EIPR1: variants seen among roughly 807,000 people sequenced by gnomAD.
EIPR1 encodes EARP complex and GARP complex interacting protein 1.
EIPR1 carries 25 observed loss-of-function variants against 48.1 expected under a neutral mutation model. The observed-to-expected ratio is 0.52, with a 90% CI of 0.38 to 0.73. The LOEUF (loss-of-function observed/expected upper bound fraction) is 0.73, where lower values mean the gene tolerates loss of function less well. Among genes scored for constraint, EIPR1 ranks in the 30% least tolerant of loss-of-function variants. The pLI is 0.00. For missense variants in EIPR1, 415 were observed against 506.2 expected, an observed-to-expected ratio of 0.82 and a Z score of 1.73; for synonymous variants, 204 against 201.9, an observed-to-expected ratio of 1.01 and a Z score of -0.09.
intron 3 of EIPR1, among the ~76,000 whole-genome samples, chr2:3,322,706 G>A (rs1449332520): frequency 2.6e-5 from 4 of 152,332 alleles, no homozygotes; most frequent in South Asian, 4.1e-4. Flanking sequence ...CACAGGGTCC[G>A]GTGAAGACAG....
At chr2:3,252,012 G>C (rs778887795) in intron 4 of EIPR1, among the ~76,000 whole-genome samples, 1 of 152,198 alleles carries the variant, frequency 6.6e-6, no homozygotes, top group Non-Finnish European at 1.5e-5. Flanking sequence ...GGAAAGGACA[G>C]TCCCTACTTT....
At position 3,377,789 on chromosome 2, in the gene EIPR1, T is replaced by C. The variant is rs966986795; in HGVS notation, c.-100A>G. On this transcript the variant is annotated 5_prime_UTR_variant, in exon 1 of 9. An upstream start codon of the reference 5' UTR is lost. Transcript: ENST00000382125. ...CGGGCGTGTTCCCAGCGCCCATTCA[T>C]TCCCTCCCCGCAGCAAACGACTCCA... is the stretch of plus-strand genomic sequence containing the variant. The C allele has an allele frequency of 8.2e-5, 115 of 1,398,208 alleles. No individual in the cohort carries two copies. Among genetic ancestry groups the C allele is most frequent in the Non-Finnish European group, 1.1e-4 (112 of 1,019,288 alleles). The allele number at this position is 1,398,208 out of a possible 1,614,324, so 86.6% of individuals were successfully genotyped here.
chr2:3,326,321 G>A (rs1183841502), intron 3 of EIPR1, among the ~76,000 whole-genome samples: 5 of 152,100 alleles, frequency 3.3e-5, no homozygotes, highest in Non-Finnish European at 7.4e-5. Flanking sequence ...TGACTGGTCC[G>A]GGATTGGAGA....
intron 2 of EIPR1, among the ~76,000 whole-genome samples, chr2:3,341,560 G>A (rs1670249228): frequency 6.6e-6 from 1 of 151,540 alleles, no homozygotes; most frequent in Admixed American, 6.6e-5. Context: ...TGGAGGGGGT[G>A]TGAGTGTGAG....
chr2:3,336,074 G>A (rs1226534975), intron 3 of EIPR1, among the ~76,000 whole-genome samples: 1 of 152,188 alleles, frequency 6.6e-6, no homozygotes, highest in Non-Finnish European at 1.5e-5. Flanking sequence ...CTCTCAAGAA[G>A]CCAAGGAAGC....
chr2:3,329,128 A>G (rs113037076), intron 3 of EIPR1, among the ~76,000 whole-genome samples: 392 of 99,052 alleles, frequency 4.0e-3, no homozygotes, highest in East Asian at 5.7e-3. Context: ...ATCTCAGGGC[A>G]CCAGCCTGGG....
chr2:3,347,475 C>T (rs973230934), intron 2 of EIPR1, among the ~76,000 whole-genome samples: 3 of 152,196 alleles, frequency 2.0e-5, no homozygotes, highest in Non-Finnish European at 2.9e-5. Flanking sequence ...CCGCCATCCA[C>T]GTAAGATGTG....
At chr2:3,288,515 G>A (rs1208706844) in intron 3 of EIPR1, among the ~76,000 whole-genome samples, 1 of 152,184 alleles carries the variant, frequency 6.6e-6, no homozygotes, top group Non-Finnish European at 1.5e-5. Context: ...TATTAATGAT[G>A]TAAGAACACA....
At chr2:3,220,990 TCA>T (rs1665871218) in intron 4 of EIPR1, among the ~76,000 whole-genome samples, 1 of 84,798 alleles carries the variant, frequency 1.2e-5, no homozygotes, top group Admixed American at 1.2e-4. Context: ...TCTAGAACAC[TCA>T]CAGTGAGTCA....
chr2:3,256,553 T>C (rs1667162439), intron 4 of EIPR1, among the ~76,000 whole-genome samples: 1 of 152,364 alleles, frequency 6.6e-6, no homozygotes, highest in South Asian at 2.1e-4. Flanking sequence ...CAGAAGTCAC[T>C]GTACAAACGA....
intron 4 of EIPR1, among the ~76,000 whole-genome samples, chr2:3,232,897 TA>T (rs1553284591): frequency 7.4e-6 from 1 of 134,772 alleles, no homozygotes; most frequent in Non-Finnish European, 1.6e-5. Flanking sequence ...AAATAATAAA[TA>T]GCCCTAAGTG....
intron 5 of EIPR1, among the ~76,000 whole-genome samples, chr2:3,203,005 G>A (rs1198395224): frequency 6.6e-6 from 1 of 152,200 alleles, no homozygotes; most frequent in Non-Finnish European, 1.5e-5. Flanking sequence ...AGGTAAATGT[G>A]TGCAATGAAA....
chr2:3,207,372 G>T (rs779972581), intron 5 of EIPR1, among the ~76,000 whole-genome samples: 1 of 152,202 alleles, frequency 6.6e-6, no homozygotes, highest in Non-Finnish European at 1.5e-5. Flanking sequence ...CTGCCTCCGG[G>T]CCTCCCCCGG....
Position 3,323,472 on chromosome 2 carries a change from C to T in EIPR1, c.259+14545G>A, listed in dbSNP as rs115188907. 7.2e-3 allele frequency among the ~76,000 whole-genome samples: 1,100 copies of T among 152,292 alleles called. 11 individuals are homozygous for T. The highest frequency in any genetic ancestry group is 0.025 in the African/African-American group (1,059 of 41,548). On this transcript the variant is annotated intron_variant, in intron 3 of 8. Transcript: ENST00000382125. ...GAGGGTAAAGAGTTCCTTAAGTTTC[C>T]TCCGAGCCCTGCACGCGACAAGGTC...
At chr2:3,248,055 TG>T (rs1428450505) in intron 4 of EIPR1, among the ~76,000 whole-genome samples, 11 of 151,654 alleles carry the variant, frequency 7.3e-5, no homozygotes, top group Admixed American at 6.6e-4. Context: ...TGGGAGGTAT[TG>T]GGGCATGGGG....
intron 3 of EIPR1, among the ~76,000 whole-genome samples, chr2:3,263,699 C>A (rs975787098): frequency 3.9e-5 from 6 of 152,078 alleles, no homozygotes; most frequent in African/African-American, 1.2e-4. Flanking sequence ...CGGCACGGTG[C>A]GGCCAGCGCC....
Position 3,189,245 on chromosome 2 carries a change from C to T in EIPR1, c.*89G>A. The T allele has an allele frequency of 1.5e-6, 2 of 1,340,520 alleles. No homozygotes were observed. The highest frequency in any genetic ancestry group is 1.5e-5 in the African/African-American group (1 of 68,196). The allele number at this position is 1,340,520 out of a possible 1,614,324, so 83.0% of individuals were successfully genotyped here. Reference sequence around the variant, plus strand: ...CTCCCAGAGAGGGATCCACCTGGAACACGAGTCACCTCCAAAGAGCTGCGA... The same window carrying T: ...CTCCCAGAGAGGGATCCACCTGGAATACGAGTCACCTCCAAAGAGCTGCGA... On this transcript the variant is annotated 3_prime_UTR_variant, in exon 9 of 9. Coordinates refer to ENST00000382125, the MANE Select transcript of EIPR1 (RefSeq NM_003310.5). This position sits in a 1 kb window ranked among gnomAD's most constrained non-coding sequence, Gnocchi z 4.6.
chr2:3,257,603 G>T, intron 3 of EIPR1, 148 bp from the exon 4 acceptor site: 1 of 941,338 alleles, frequency 1.1e-6, no homozygotes, highest in Non-Finnish European at 1.5e-6. Context: ...AGACGGAGCA[G>T]GGAGAAGCAC....
At chr2:3,254,687 A>G (rs1278633854) in intron 4 of EIPR1, among the ~76,000 whole-genome samples, 1 of 152,236 alleles carries the variant, frequency 6.6e-6, no homozygotes, top group Admixed American at 6.5e-5. Context: ...CGGGGTGGCC[A>G]GGGGCTAAGG....
Sources: gnomAD v4.1 joint callset for allele counts (sites outside exome capture counted in the v4.1 genomes callset) on GRCh38, gnomAD v4.1.1 for gene constraint, Gnocchi (gnomAD v3.1) non-coding constraint, MANE v1.5 for transcripts, NCBI Gene and HGNC (gene_info 2026-07-23, HGNC 2026-07-21) for gene names.